ADGRG4: variants seen among roughly 807,000 people sequenced by gnomAD.
ADGRG4 encodes the protein adhesion G protein-coupled receptor G4, also known as G protein-coupled receptor 112.
ADGRG4 carries 122 observed loss-of-function variants against 126.2 expected under a neutral mutation model. That is an observed-to-expected ratio of 0.97 (90% CI 0.83 to 1.12). The LOEUF is 1.12. ADGRG4 is among the 50% of genes most tolerant of loss of function. The probability of loss-of-function intolerance (pLI) is 0.00; values close to 1 mark genes in which losing one functional copy is unlikely to be tolerated. For synonymous variants in ADGRG4, 943 were observed against 838.7 expected, an observed-to-expected ratio of 1.12 and a Z score of -2.15; for missense variants, 2,481 against 2,251.8, an observed-to-expected ratio of 1.10 and a Z score of -2.06.
At chrX:136,333,280 C>T (rs921752804) in intron 5 of ADGRG4, among the ~76,000 whole-genome samples, 3 of 110,991 alleles carry the variant, frequency 2.7e-5, no homozygotes, top group African/African-American at 9.8e-5. Flanking sequence ...TAGGCATGGG[C>T]AAGGACTTCA....
intron 19 of ADGRG4, among the ~76,000 whole-genome samples, chrX:136,396,979 C>T (rs377367490): frequency 4.2e-4 from 46 of 109,982 alleles, no homozygotes; most frequent in Admixed American, 1.3e-3. Context: ...TAAGTAGGGA[C>T]GGGGTTTCAC....
intron 16 of ADGRG4, among the ~76,000 whole-genome samples, chrX:136,388,781 A>ATC (rs750986337): frequency 3.6e-5 from 4 of 111,918 alleles, no homozygotes; most frequent in Non-Finnish European, 7.5e-5. Flanking sequence ...TTATTATTTC[A>ATC]TCTACTTCTC....
In ADGRG4 at chrX:136,344,909, A is replaced by G. The variant is rs762726434; in HGVS notation, c.1203A>G (p.Thr401=). ...CTCAGTCGGCTGTTACGAAGACAAC[A>G]TCTTTATTTTCAACTATTGAGTCAA... ...IKSQSAVTKT[T]SLFSTIESTS... Residue 401 remains threonine (T), a synonymous_variant, in exon 6 of 26, where the codon ACA becomes ACG. Coordinates refer to ENST00000394143, the MANE Select transcript of ADGRG4 (RefSeq NM_153834.4). 23 of 1,209,457 alleles carry G rather than the reference A, an allele frequency of 1.9e-5. No homozygotes were observed. Among genetic ancestry groups the G allele is most frequent in the Non-Finnish European group, 2.5e-5 (22 of 894,333 alleles).
At chrX:136,409,048 GACACACACACACACAC>G (rs71995144) in intron 23 of ADGRG4, among the ~76,000 whole-genome samples, 1 of 90,862 alleles carries the variant, frequency 1.1e-5, no homozygotes, top group African/African-American at 4.1e-5. Flanking sequence ...TCAAATTCAA[GACACACACACACACAC>G]ACACACACAC....
At chrX:136,377,932 G>A (rs915319440) in intron 15 of ADGRG4, among the ~76,000 whole-genome samples, 4 of 107,804 alleles carry the variant, frequency 3.7e-5, no homozygotes, top group African/African-American at 1.4e-4. Flanking sequence ...CTTCAACATT[G>A]TTGCTTTTCA....
chrX:136,406,078 C>T (rs2075407742), intron 23 of ADGRG4, 106 bp downstream of exon 23: 1 of 854,421 alleles, frequency 1.2e-6, no homozygotes, highest in Non-Finnish European at 1.6e-6. Flanking sequence ...AGATGTTAGT[C>T]TTCATTAAAT....
In ADGRG4 at chrX:136,345,109, C is replaced by T; in HGVS notation, c.1403C>T (p.Pro468Leu). Reference sequence around the variant, plus strand: ...CATGTTGGGACTGCATCATCATTCCCACCTGAGCCTGTGCTCATCTCCACA... The same window carrying T: ...CATGTTGGGACTGCATCATCATTCCTACCTGAGCCTGTGCTCATCTCCACA... ...STHVGTASSFPPEPVLISTAA... is the reference protein window; with the variant it reads ...STHVGTASSFLPEPVLISTAA... Residue 468 changes from proline to leucine, a missense_variant, in exon 6 of 26, where the codon CCA (proline) becomes CTA (leucine). Pro to Leu is a moderately conservative substitution (Grantham distance 98, BLOSUM62 -3). Transcript: ENST00000394143. 8.3e-7 allele frequency: 1 copy of T among 1,211,031 alleles called. No individual in the cohort carries two copies. The highest frequency in any genetic ancestry group is 1.1e-6 in the Non-Finnish European group (1 of 894,880).
intron 16 of ADGRG4, among the ~76,000 whole-genome samples, chrX:136,389,971 C>T (rs1206468721): frequency 8.9e-6 from 1 of 112,401 alleles, no homozygotes; most frequent in Non-Finnish European, 1.9e-5. Flanking sequence ...CACAGCCTTG[C>T]TTTCGCACTA....
At chrX:136,343,801 A>T (rs900511762) in intron 5 of ADGRG4, among the ~76,000 whole-genome samples, 1 of 111,610 alleles carries the variant, frequency 9.0e-6, no homozygotes, top group African/African-American at 3.3e-5. Flanking sequence ...ACTCAATCTC[A>T]TAACGATTTT....
In ADGRG4 at chrX:136,346,615, C is replaced by T. The variant is rs143269703; in HGVS notation, c.2909C>T (p.Thr970Ile). Residue 970 changes from threonine (T) to isoleucine (I), a missense_variant, in exon 6 of 26, where the codon ACC (threonine) becomes ATC (isoleucine). Coordinates refer to ENST00000394143, the MANE Select transcript of ADGRG4 (RefSeq NM_153834.4). Reference protein sequence around the residue: ...HIFGEPLGASTTRISETSFST... With the variant: ...HIFGEPLGASITRISETSFST... ...TTCGGTGAACCCCTGGGTGCTTCTA[C>T]CACAAGGATATCAGAAACCAGTTTC... The T allele has an allele frequency of 6.8e-5, 82 of 1,208,440 alleles. No homozygotes were observed. Among genetic ancestry groups the T allele is most frequent in the Non-Finnish European group, 7.8e-6 (7 of 893,799 alleles).
At chrX:136,340,115 A>G (rs2074971025) in intron 5 of ADGRG4, among the ~76,000 whole-genome samples, 1 of 111,892 alleles carries the variant, frequency 8.9e-6, no homozygotes, top group African/African-American at 3.2e-5. Context: ...AGAAAGTCTG[A>G]ATTACTGAAT....
intron 15 of ADGRG4, among the ~76,000 whole-genome samples, chrX:136,373,859 A>G (rs752684109): frequency 8.1e-5 from 9 of 111,333 alleles, no homozygotes; most frequent in Non-Finnish European, 1.5e-4. Flanking sequence ...CAGCTACATG[A>G]GAGGCTTAGG....
chrX:136,308,571 A>T (rs2074748216), intron 3 of ADGRG4, among the ~76,000 whole-genome samples, 198 bp from the exon 4 acceptor site: 1 of 112,235 alleles, frequency 8.9e-6, no homozygotes, highest in African/African-American at 3.2e-5. Context: ...GAGCTAGTAT[A>T]TAGATAAATC....
chrX:136,374,500 C>A (rs760932350), intron 15 of ADGRG4, among the ~76,000 whole-genome samples: 1 of 110,981 alleles, frequency 9.0e-6, no homozygotes, highest in African/African-American at 3.3e-5. Flanking sequence ...CACTATATCT[C>A]CCCACCGCAA....
chrX:136,403,710 C>A (rs1034908394), intron 22 of ADGRG4, among the ~76,000 whole-genome samples: 3 of 112,312 alleles, frequency 2.7e-5, no homozygotes, highest in African/African-American at 9.7e-5. Context: ...GTGGCCCCTA[C>A]AAGGAAATTC....
At chrX:136,406,357 C>A (rs1482338800) in intron 23 of ADGRG4, among the ~76,000 whole-genome samples, 1 of 111,895 alleles carries the variant, frequency 8.9e-6, no homozygotes, top group East Asian at 2.8e-4. Context: ...CATCTGATAT[C>A]CTAATATTTT....
At chrX:136,383,510 T>C (rs570097654) in intron 15 of ADGRG4, among the ~76,000 whole-genome samples, 2 of 112,236 alleles carry the variant, frequency 1.8e-5, no homozygotes, top group African/African-American at 3.2e-5. Context: ...GTATATTTTA[T>C]ATTCATTTGC....
At chrX:136,340,671 A>G (rs969398205) in intron 5 of ADGRG4, among the ~76,000 whole-genome samples, 1 of 111,161 alleles carries the variant, frequency 9.0e-6, no homozygotes, top group Non-Finnish European at 1.9e-5. Flanking sequence ...TTGAGGGCAT[A>G]CATTTATGAG....
intron 13 of ADGRG4, among the ~76,000 whole-genome samples, chrX:136,365,074 T>G (rs754558614): frequency 4.5e-5 from 5 of 112,219 alleles, no homozygotes; most frequent in Non-Finnish European, 7.5e-5. Context: ...CTGGATCTTT[T>G]TGCGATGTGA....
Sources: allele counts gnomAD v4.1 joint callset (sites outside exome capture counted in the v4.1 genomes callset), GRCh38; gene constraint gnomAD v4.1.1; transcripts MANE v1.5; gene names NCBI Gene and HGNC (gene_info 2026-07-23, HGNC 2026-07-21).